Variants in PKN2 observed in about 807,000 individuals in gnomAD.
PKN2 encodes the protein serine/threonine-protein kinase N2.
A neutral mutation model predicts 119.1 loss-of-function variants in PKN2; 38 were observed. That is an observed-to-expected ratio of 0.32 (90% CI 0.25 to 0.42). PKN2 has a LOEUF of 0.42. Among genes scored for constraint, PKN2 ranks in the 10% least tolerant of loss-of-function variants. The pLI is 1.00. For missense variants in PKN2, 850 were observed against 1,165.1 expected, an observed-to-expected ratio of 0.73 and a Z score of 3.94; for synonymous variants, 390 against 384.9, an observed-to-expected ratio of 1.01 and a Z score of -0.15.
intron 1 of PKN2, among the ~76,000 whole-genome samples, chr1:88,697,781 GT>G (rs769986250): frequency 3.0e-4 from 45 of 152,084 alleles, no homozygotes; most frequent in Non-Finnish European, 5.9e-5. Flanking sequence ...TTCCTCACCT[GT>G]ATTTTTACTA....
chr1:88,827,237 T>C (rs1462410460), intron 18 of PKN2, among the ~76,000 whole-genome samples: 1 of 152,102 alleles, frequency 6.6e-6, no homozygotes, highest in Non-Finnish European at 1.5e-5. Flanking sequence ...ATGAGGAACA[T>C]ATATTTAAAA....
chr1:88,758,505 T>G (rs1041127252), intron 2 of PKN2, among the ~76,000 whole-genome samples: 5 of 152,140 alleles, frequency 3.3e-5, no homozygotes, highest in African/African-American at 1.2e-4. Context: ...TCCATAGTTG[T>G]TTTTCATGTT....
intron 16 of PKN2, among the ~76,000 whole-genome samples, chr1:88,817,116 A>C (rs1044070803): frequency 6.6e-6 from 1 of 152,170 alleles, no homozygotes; most frequent in Admixed American, 6.5e-5. Context: ...TTTCAGGCCA[A>C]TATCCCTGAT....
At chr1:88,716,416 G>C (rs2100696049) in intron 1 of PKN2, among the ~76,000 whole-genome samples, 1 of 152,228 alleles carries the variant, frequency 6.6e-6, no homozygotes, top group African/African-American at 2.4e-5. Context: ...CATTATTATT[G>C]TGTGGGAGTC....
intron 6 of PKN2, among the ~76,000 whole-genome samples, chr1:88,784,265 A>G (rs147191840): frequency 0.017 from 2,538 of 151,146 alleles, 28 homozygotes; most frequent in Non-Finnish European, 0.026. Flanking sequence ...CTGGGACTAC[A>G]GGCGCACACC....
At chr1:88,822,261 A>G (rs75485867) in intron 17 of PKN2, among the ~76,000 whole-genome samples, 2,954 of 152,294 alleles carry the variant, frequency 0.019, 94 homozygotes, top group African/African-American at 0.066. Context: ...ATTTCTCAAC[A>G]ATATTCATCC....
chr1:88,686,165 G>T (rs1666087800), intron 1 of PKN2, among the ~76,000 whole-genome samples: 1 of 152,104 alleles, frequency 6.6e-6, no homozygotes, highest in Non-Finnish European at 1.5e-5. Context: ...TTAAAATGAA[G>T]ATGATGTGAG....
intron 1 of PKN2, among the ~76,000 whole-genome samples, chr1:88,698,877 AT>A (rs1196977163): frequency 6.6e-6 from 1 of 152,094 alleles, no homozygotes; most frequent in African/African-American, 2.4e-5. Flanking sequence ...TAGTTACATT[AT>A]TATTTTTAGT....
intron 1 of PKN2, among the ~76,000 whole-genome samples, chr1:88,697,100 A>C (rs1190222947): frequency 6.6e-6 from 1 of 152,104 alleles, no homozygotes; most frequent in Non-Finnish European, 1.5e-5. Flanking sequence ...TTGATTAATA[A>C]ATTTAGGGAA....
At chr1:88,768,902 C>A (rs973955665) in intron 3 of PKN2, among the ~76,000 whole-genome samples, 25 of 152,090 alleles carry the variant, frequency 1.6e-4, no homozygotes, top group Non-Finnish European at 2.2e-4. Context: ...AGCTTACAGT[C>A]GTGATGGAAG....
intron 2 of PKN2, among the ~76,000 whole-genome samples, chr1:88,754,957 A>G (rs1669142258): frequency 6.6e-6 from 1 of 152,186 alleles, no homozygotes; most frequent in Non-Finnish European, 1.5e-5. Flanking sequence ...ATACCCCCGA[A>G]AATACTTTTT....
intron 1 of PKN2, among the ~76,000 whole-genome samples, chr1:88,728,386 T>G (rs1235937351): frequency 6.6e-6 from 1 of 152,202 alleles, no homozygotes; most frequent in Non-Finnish European, 1.5e-5. Context: ...TAAATACTAC[T>G]TTTCTTGATA....
intron 1 of PKN2, among the ~76,000 whole-genome samples, chr1:88,718,834 A>G (rs559474412): frequency 1.3e-5 from 2 of 152,192 alleles, no homozygotes; most frequent in Admixed American, 1.3e-4. Flanking sequence ...TTCCCTGTTT[A>G]TTATAAGATA....
intron 1 of PKN2, among the ~76,000 whole-genome samples, chr1:88,699,152 C>G (rs191758250): frequency 6.6e-6 from 1 of 152,022 alleles, no homozygotes; most frequent in Non-Finnish European, 1.5e-5. Context: ...CTTTCTTAAA[C>G]ACTTTATGAA....
intron 3 of PKN2, 34 bp downstream of exon 3, chr1:88,760,410 A>G: frequency 8.2e-7 from 1 of 1,212,416 alleles, no homozygotes; most frequent in Non-Finnish European, 1.2e-6. Flanking sequence ...CTATATAGTC[A>G]GTCATTATTT....
intron 1 of PKN2, among the ~76,000 whole-genome samples, chr1:88,701,817 TTGAC>T (rs1215652384): frequency 1.3e-5 from 2 of 152,234 alleles, no homozygotes; most frequent in African/African-American, 4.8e-5. Context: ...AAGTACTTAT[TTGAC>T]TGAATTATGA....
At chr1:88,757,165 TAA>T (rs1669238624) in intron 2 of PKN2, among the ~76,000 whole-genome samples, 1 of 152,212 alleles carries the variant, frequency 6.6e-6, no homozygotes, top group South Asian at 2.1e-4. Flanking sequence ...TGAACTCAGT[TAA>T]TTGTGTGGCT....
intron 1 of PKN2, among the ~76,000 whole-genome samples, chr1:88,686,555 G>C (rs1666110003): frequency 6.6e-6 from 1 of 151,920 alleles, no homozygotes; most frequent in South Asian, 2.1e-4. Flanking sequence ...TCCAGAAAAA[G>C]AATAGTTTTT....
intron 12 of PKN2, among the ~76,000 whole-genome samples, chr1:88,807,029 AT>A (rs34461609): frequency 6.6e-6 from 1 of 151,940 alleles, no homozygotes; most frequent in Non-Finnish European, 1.5e-5. Context: ...AGTTTTTCAT[AT>A]TTTTTAGATA....
Sources: gnomAD v4.1 joint callset for allele counts (sites outside exome capture counted in the v4.1 genomes callset) on GRCh38, gnomAD v4.1.1 for gene constraint, MANE v1.5 for transcripts, NCBI Gene and HGNC (gene_info 2026-07-23, HGNC 2026-07-21) for gene names.